Variants in ELP2 observed in about 807,000 individuals in gnomAD.
ELP2 encodes elongator complex protein 2.
ELP2 carries 90 observed loss-of-function variants against 119.2 expected under a neutral mutation model. That is an observed-to-expected ratio of 0.75 (90% CI 0.64 to 0.90). The LOEUF (loss-of-function observed/expected upper bound fraction) is 0.90, where lower values mean the gene tolerates loss of function less well. ELP2 is among the 40% of genes least tolerant of loss of function. The probability of loss-of-function intolerance (pLI) is 0.00; values close to 1 mark genes in which losing one functional copy is unlikely to be tolerated. For synonymous variants in ELP2, 339 were observed against 331.0 expected, an observed-to-expected ratio of 1.02 and a Z score of -0.26; for missense variants, 921 against 967.8, an observed-to-expected ratio of 0.95 and a Z score of 0.64.
chr18:36,167,588 A>G (rs2090945561), intron 19 of ELP2, among the ~76,000 whole-genome samples: 1 of 152,220 alleles, frequency 6.6e-6, no homozygotes, highest in Admixed American at 6.5e-5. Context: ...TTATGAATTT[A>G]ACATTTTTCT....
At position 36,133,344 on chromosome 18, in the gene ELP2, A is replaced by G. The variant is rs374884304; in HGVS notation, c.217+28A>G. 25 of 1,526,452 alleles carry G rather than the reference A, an allele frequency of 1.6e-5. No individual in the cohort carries two copies. In the African/African-American group the frequency reaches 3.3e-4, roughly 20 times the overall value. 94.6% of individuals were successfully genotyped at this position (1,526,452 alleles called of 1,614,324 possible). On this transcript the variant is annotated intron_variant, in intron 2 of 21. Coordinates refer to ENST00000358232, the MANE Select transcript of ELP2 (RefSeq NM_018255.4). ...AAGTATTAACCAGATTTTAAAGTTG[A>G]TCTCAATTGTTTTCTGATAAAATAA...
Position 36,145,893 on chromosome 18 carries a change from A to G in ELP2, c.893-55A>G, listed in dbSNP as rs971484051. On this transcript the variant is annotated intron_variant, in intron 9 of 21. Coordinates refer to ENST00000358232, the MANE Select transcript of ELP2 (RefSeq NM_018255.4). ...TGTTGTTTGTTGTTTTTTTCTGGTC[A>G]TCTACAAACATGATGATTGTTGATC... 7 of 1,436,758 alleles carry G rather than the reference A, an allele frequency of 4.9e-6. No homozygotes were observed. The African/African-American group carries it at 7.0e-5, about 14-fold the overall frequency. 89.0% of individuals were successfully genotyped at this position (1,436,758 alleles called of 1,614,324 possible).
rs1307956516 is a variant in ELP2 at position 36,176,792 on chromosome 18, C to T, written c.*2151C>T. The T allele has an allele frequency of 6.6e-6, 1 of 152,148 alleles. No individual in the cohort carries two copies. The highest frequency in any genetic ancestry group is 2.4e-5 in the African/African-American group (1 of 41,438). 9.4% of individuals were successfully genotyped at this position (152,148 alleles called of 1,614,324 possible). Reference sequence around the variant, plus strand: ...GATTCATAATATCTGAAGCAATCCCCAGATACGGGTTAGGCATGGCCCTGC... The same window carrying T: ...GATTCATAATATCTGAAGCAATCCCTAGATACGGGTTAGGCATGGCCCTGC... On this transcript the variant is annotated 3_prime_UTR_variant, in exon 22 of 22. Transcript: ENST00000358232.
At chr18:36,167,292 A>G in intron 19 of ELP2, 70 bp downstream of exon 19, 1 of 1,218,406 alleles carries the variant, frequency 8.2e-7, no homozygotes, top group East Asian at 2.7e-5. Context: ...TTTGAATAAA[A>G]AATGCATAAT....
intron 19 of ELP2, among the ~76,000 whole-genome samples, chr18:36,168,152 C>G (rs1439696844): frequency 6.6e-6 from 1 of 152,180 alleles, no homozygotes; most frequent in Non-Finnish European, 1.5e-5. Flanking sequence ...TAGTCACAGA[C>G]AAGGTACAGA....
intron 18 of ELP2, 93 bp downstream of exon 18, chr18:36,164,760 A>C (rs1333771622): frequency 8.2e-7 from 1 of 1,218,954 alleles, no homozygotes; most frequent in Non-Finnish European, 1.2e-6. Context: ...AAGATAACAG[A>C]GTGAAGGGTA....
At chr18:36,170,231 C>T (rs779899782) in intron 20 of ELP2, 35 bp downstream of exon 20, 7 of 1,613,706 alleles carry the variant, frequency 4.3e-6, no homozygotes, top group Non-Finnish European at 5.9e-6. Flanking sequence ...TTTAAGAGGA[C>T]CACTTGGTTT....
At chr18:36,133,896 GGTTTTT>G (rs2089728146) in intron 2 of ELP2, among the ~76,000 whole-genome samples, 11 of 114,792 alleles carry the variant, frequency 9.6e-5, no homozygotes, top group Admixed American at 2.0e-4. Flanking sequence ...GTTTTTTAGG[GGTTTTT>G]TTTTTTTTTT....
intron 18 of ELP2, among the ~76,000 whole-genome samples, chr18:36,166,270 C>T (rs527553755): frequency 5.1e-4 from 76 of 149,040 alleles, no homozygotes; most frequent in South Asian, 2.5e-3. Context: ...ATAATAGATA[C>T]GCTCTTATTC....
intron 5 of ELP2, chr18:36,139,425 G>A: frequency 6.5e-7 from 1 of 1,535,412 alleles, no homozygotes; most frequent in Non-Finnish European, 8.7e-7. Flanking sequence ...ACAGTTACCT[G>A]GAAGACTGGC....
At chr18:36,132,718 T>G (rs1198565261) in intron 1 of ELP2, among the ~76,000 whole-genome samples, 1 of 152,218 alleles carries the variant, frequency 6.6e-6, no homozygotes, top group African/African-American at 2.4e-5. Context: ...CTTGTGACAT[T>G]GTGCCACTGG....
chr18:36,163,902 C>G (rs536688839), intron 17 of ELP2, among the ~76,000 whole-genome samples: 1 of 152,104 alleles, frequency 6.6e-6, no homozygotes, highest in East Asian at 1.9e-4. Context: ...TATAGTAGAT[C>G]CTTTATTTTG....
At chr18:36,168,128 C>T (rs754337682) in intron 19 of ELP2, among the ~76,000 whole-genome samples, 2 of 152,216 alleles carry the variant, frequency 1.3e-5, no homozygotes, top group Non-Finnish European at 2.9e-5. Context: ...GGCCATTCCT[C>T]TCCCTGCCTT....
intron 12 of ELP2, among the ~76,000 whole-genome samples, chr18:36,155,272 C>T (rs1007484272): frequency 6.9e-6 from 1 of 145,910 alleles, no homozygotes; most frequent in East Asian, 2.0e-4. Context: ...CCTCCCCCCC[C>T]CCCGCCTCCC....
intron 11 of ELP2, among the ~76,000 whole-genome samples, chr18:36,151,609 G>A (rs1418208672): frequency 6.6e-6 from 1 of 151,874 alleles, no homozygotes; most frequent in East Asian, 2.0e-4. Context: ...AGGAGTTTGA[G>A]ACAAGCCTGG....
chr18:36,163,958 A>C (rs1323369410), intron 17 of ELP2, among the ~76,000 whole-genome samples: 4 of 152,196 alleles, frequency 2.6e-5, no homozygotes, highest in Non-Finnish European at 4.4e-5. Flanking sequence ...ACCTGCAGGA[A>C]TTTTGATGGA....
chr18:36,144,620 A>G (rs2090140273), intron 8 of ELP2, among the ~76,000 whole-genome samples: 1 of 152,230 alleles, frequency 6.6e-6, no homozygotes, highest in Non-Finnish European at 1.5e-5. Context: ...AGAGGCTGGC[A>G]TGACTGTTTT....
intron 11 of ELP2, among the ~76,000 whole-genome samples, chr18:36,149,790 T>C (rs954738367): frequency 6.6e-6 from 1 of 152,094 alleles, no homozygotes; most frequent in Non-Finnish European, 1.5e-5. Flanking sequence ...TACACACTCA[T>C]GAAGGTGTGT....
At chr18:36,148,328 TC>T (rs1874561926) in intron 11 of ELP2, among the ~76,000 whole-genome samples, 1 of 152,116 alleles carries the variant, frequency 6.6e-6, no homozygotes, top group Non-Finnish European at 1.5e-5. Flanking sequence ...CACCTCGGCC[TC>T]CCAGAGTGCT....
Sources: gnomAD v4.1 joint callset for allele counts (sites outside exome capture counted in the v4.1 genomes callset) on GRCh38, gnomAD v4.1.1 for gene constraint, MANE v1.5 for transcripts, NCBI Gene and HGNC (gene_info 2026-07-23, HGNC 2026-07-21) for gene names.